The following ATF7IP variants were observed in gnomAD, a reference collection of about 807,000 sequenced individuals.
ATF7IP encodes the protein activating transcription factor 7 interacting protein, also known as activating transcription factor 7-interacting protein 1.
Under a neutral mutation model 106.4 loss-of-function variants are expected in ATF7IP, and 23 were observed. The observed-to-expected ratio is 0.22, with a 90% confidence interval of 0.16 to 0.31. The LOEUF (loss-of-function observed/expected upper bound fraction) is 0.31, where lower values mean the gene tolerates loss of function less well. Ranked by LOEUF, ATF7IP falls within the 10% of genes least tolerant of loss-of-function variation. The pLI is 1.00. For synonymous variants in ATF7IP, 542 were observed against 539.0 expected (o/e 1.01, Z -0.08); for missense variants, 1,334 against 1,524.3 (o/e 0.88, Z 2.08).
rs1330159091 is a variant in ATF7IP, at chr12:14,498,501, G to A, written c.*428G>A. On this transcript the variant is annotated 3_prime_UTR_variant, in exon 15 of 15. Coordinates refer to ENST00000261168, the MANE Select transcript of ATF7IP (RefSeq NM_018179.5). The stretch of plus-strand genomic sequence containing the variant: ...GGATCTATAGTATCATTTTAGTTAA[G>A]TGGGTCAAACAGAATCAAAACAAAA... The A allele has an allele frequency of 6.4e-6, 1 of 156,592 alleles. No individual in the cohort carries two copies. The highest frequency in any genetic ancestry group is 2.4e-5 in the African/African-American group (1 of 41,436). 9.7% of individuals were successfully genotyped at this position (156,592 alleles called of 1,614,324 possible).
intron 5 of ATF7IP, among the ~76,000 whole-genome samples, chr12:14,442,157 G>A (rs1053789570): frequency 1.1e-4 from 17 of 151,488 alleles, no homozygotes; most frequent in African/African-American, 3.9e-4. Flanking sequence ...ATTCCTTCTT[G>A]TTTCTCTTCC....
At chr12:14,367,003 A>T (rs535647567) in intron 1 of ATF7IP, among the ~76,000 whole-genome samples, 81 of 152,316 alleles carry the variant, frequency 5.3e-4, no homozygotes, top group South Asian at 3.7e-3. Context: ...TGTCAACTAT[A>T]GTTAAATCTT....
chr12:14,424,081 A>C lies in ATF7IP; in HGVS notation c.166A>C (p.Thr56Pro). 6.2e-7 allele frequency: 1 copy of C among 1,614,196 alleles called. No homozygotes were observed. The highest frequency in any genetic ancestry group is 8.5e-7 in the Non-Finnish European group (1 of 1,180,028). Reference protein sequence around the residue: ...GNHENGDLDPTSPLENMDYIK... With the variant: ...GNHENGDLDPPSPLENMDYIK... ...CCATGAAAATGGAGATTTGGACCCA[A>C]CCTCACCTTTGGAAAACATGGATTA... Residue 56 changes from threonine (T) to proline (P), a missense_variant, in exon 2 of 15, where the codon ACC (threonine) becomes CCC (proline). Physicochemically the swap from Thr to Pro is conservative, Grantham distance 38 (BLOSUM62 -1). Transcript: ENST00000261168.
intron 6 of ATF7IP, among the ~76,000 whole-genome samples, chr12:14,448,829 T>C (rs1375618512): frequency 6.6e-6 from 1 of 152,212 alleles, no homozygotes; most frequent in Admixed American, 6.5e-5. Flanking sequence ...TTCTGTTCTT[T>C]TGATAGTGAC....
intron 5 of ATF7IP, among the ~76,000 whole-genome samples, chr12:14,442,560 G>C (rs541470136): frequency 6.6e-6 from 1 of 152,318 alleles, no homozygotes; most frequent in African/African-American, 2.4e-5. Context: ...GGTGCAGTTG[G>C]TTTGGAAATA....
chr12:14,377,373 T>G (rs1178063815), intron 1 of ATF7IP, among the ~76,000 whole-genome samples: 1 of 151,114 alleles, frequency 6.6e-6, no homozygotes, highest in Non-Finnish European at 1.5e-5. Flanking sequence ...TTTTTTTTTT[T>G]GAGACGTTGT....
intron 1 of ATF7IP, among the ~76,000 whole-genome samples, chr12:14,373,726 T>C (rs947644195): frequency 6.6e-6 from 1 of 152,176 alleles, no homozygotes; most frequent in Non-Finnish European, 1.5e-5. Context: ...ATTTCTCTTT[T>C]AAGATTTAGG....
At chr12:14,376,800 T>C (rs771910993) in intron 1 of ATF7IP, among the ~76,000 whole-genome samples, 35 of 152,142 alleles carry the variant, frequency 2.3e-4, no homozygotes, top group Non-Finnish European at 4.1e-4. Flanking sequence ...ATGATTTCTA[T>C]ATTTAAGATG....
At chr12:14,460,288 A>G (rs1458665086) in intron 8 of ATF7IP, among the ~76,000 whole-genome samples, 1 of 152,108 alleles carries the variant, frequency 6.6e-6, no homozygotes, top group Non-Finnish European at 1.5e-5. Context: ...TGTTTTTGTA[A>G]TTTACTAAAA....
chr12:14,460,631 T>A lies in ATF7IP; in HGVS notation c.2295T>A (p.Thr765=). ...APNTATVVAT[T]QVPSGNPQPT... The stretch of plus-strand genomic sequence containing the variant: ...ATACAGCTACTGTAGTTGCTACTAC[T>A]CAGGTGCCTAGTGGAAATCCCCAGC... Residue 765 remains threonine (T), a synonymous_variant, in exon 9 of 15, where the codon ACT becomes ACA. Coordinates refer to ENST00000261168, the MANE Select transcript of ATF7IP (RefSeq NM_018179.5). The A allele has an allele frequency of 6.2e-7, 1 of 1,614,172 alleles. No homozygotes were observed.
At chr12:14,417,426 G>C (rs564761990) in intron 1 of ATF7IP, among the ~76,000 whole-genome samples, 2 of 151,990 alleles carry the variant, frequency 1.3e-5, no homozygotes, top group South Asian at 2.1e-4. Context: ...TTTTGGAATC[G>C]GAAATCTGTA....
intron 12 of ATF7IP, among the ~76,000 whole-genome samples, chr12:14,479,368 A>G (rs73058800): frequency 0.015 from 2,322 of 152,304 alleles, 28 homozygotes; most frequent in Non-Finnish European, 0.024. Flanking sequence ...AAAATTTTCA[A>G]GATTTAGCCT....
chr12:14,445,264 C>T (rs754553267), intron 5 of ATF7IP, among the ~76,000 whole-genome samples: 15 of 152,136 alleles, frequency 9.9e-5, no homozygotes, highest in Non-Finnish European at 1.8e-4. Context: ...ATTGGGATTA[C>T]AGGTGTGAGC....
In ATF7IP at chr12:14,461,034, C is replaced by T. The variant is rs770955663; in HGVS notation, c.2698C>T (p.Pro900Ser). 6.2e-7 allele frequency: 1 copy of T among 1,614,092 alleles called. No individual in the cohort carries two copies. The highest frequency in any genetic ancestry group is 1.7e-5 in the Admixed American group (1 of 60,010). The change falls in exon 9 of 15, where the codon CCA becomes TCA. Residue 900 changes from proline to serine, a missense_variant. Around this residue, in one of 10 missense-constraint regions of ATF7IP, gnomAD observed 370 missense variants for 401.2 expected, o/e 0.92. Transcript: ENST00000261168. ...PTVGPSGLYSPSTNRGPIQMK... is the reference protein window; with the variant it reads ...PTVGPSGLYSSSTNRGPIQMK... ...AGTGGGCCCATCAGGACTCTATAGT[C>T]CATCAACTAATCGAGGTCCTATACA...
In ATF7IP at chr12:14,434,411, C is replaced by A; in HGVS notation, c.1633C>A (p.Pro545Thr). The A allele has an allele frequency of 2.5e-6, 4 of 1,572,384 alleles. No homozygotes were observed. Among genetic ancestry groups the A allele is most frequent in the Non-Finnish European group, 3.5e-6 (4 of 1,145,938 alleles). ...EQVIHEDDERPSEKNEFSRRK... is the reference protein window; with the variant it reads ...EQVIHEDDERTSEKNEFSRRK... Reference sequence around the variant, plus strand: ...AGTAATACATGAAGATGATGAAAGACCTTCTGAGAAAAGTATGCATGTATA... The same window carrying A: ...AGTAATACATGAAGATGATGAAAGAACTTCTGAGAAAAGTATGCATGTATA... The change falls in exon 3 of 15, where the codon CCT becomes ACT. Residue 545 changes from proline to threonine, a missense_variant. Coordinates refer to ENST00000261168, the MANE Select transcript of ATF7IP (RefSeq NM_018179.5).
intron 8 of ATF7IP, among the ~76,000 whole-genome samples, chr12:14,457,644 C>T (rs1943480842): frequency 6.6e-6 from 1 of 152,114 alleles, no homozygotes; most frequent in East Asian, 1.9e-4. Flanking sequence ...AGTTCACAAA[C>T]TTTCTGGTCT....
intron 1 of ATF7IP, among the ~76,000 whole-genome samples, chr12:14,383,435 G>C (rs1008426307): frequency 2.6e-5 from 4 of 152,146 alleles, no homozygotes; most frequent in Non-Finnish European, 5.9e-5. Flanking sequence ...AGGCAGCTCT[G>C]AATATTTTGG....
rs34509750 is a variant in ATF7IP at position 14,439,840 on chromosome 12, AATCCATCC to A, written c.1929+1614_1929+1621del. The stretch of plus-strand genomic sequence containing the variant: ...AGAGTGAGACTCTGTCTCCAAAATA[AATCCATCC>A]ATCCATCCATCCATCCATCCATCCA... On this transcript the variant is annotated intron_variant, in intron 5 of 14. Coordinates refer to ENST00000261168, the MANE Select transcript of ATF7IP (RefSeq NM_018179.5). Among the ~76,000 whole-genome samples, 808 of 148,600 alleles carry A rather than the reference AATCCATCC, an allele frequency of 5.4e-3. 6 individuals are homozygous for A. Among genetic ancestry groups the A allele is most frequent in the Middle Eastern group, 0.024 (7 of 292 alleles).
At chr12:14,418,414 TAC>T (rs1941315106) in intron 1 of ATF7IP, among the ~76,000 whole-genome samples, 1 of 152,214 alleles carries the variant, frequency 6.6e-6, no homozygotes, top group East Asian at 1.9e-4. Context: ...GAAAATGAAT[TAC>T]AGTCATGTGA....
Sources: allele counts gnomAD v4.1 joint callset (sites outside exome capture counted in the v4.1 genomes callset), GRCh38; gene constraint gnomAD v4.1.1; regional missense constraint gnomAD v4.1.1; transcripts MANE v1.5; gene names NCBI Gene and HGNC (gene_info 2026-07-23, HGNC 2026-07-21).